The following ALDH3A2 variants were observed in gnomAD, a reference collection of about 807,000 sequenced individuals.
ALDH3A2 encodes aldehyde dehydrogenase family 3 member A2.
In ALDH3A2, 36 loss-of-function variants were observed where a neutral mutation model predicts 51.3. That is an observed-to-expected ratio of 0.70 (90% CI 0.54 to 0.93). ALDH3A2 has a LOEUF of 0.93. ALDH3A2 is among the 40% of genes least tolerant of loss of function. ALDH3A2 has a pLI of 0.00. For missense variants in ALDH3A2, 552 were observed against 603.1 expected (o/e 0.92, Z 0.89); for synonymous variants, 199 against 219.8 (o/e 0.91, Z 0.84).
At position 19,677,379 on chromosome 17, in the gene ALDH3A2, ATACCT is replaced by A. The variant is rs1379880031; in HGVS notation, c.*1810_*1814del. 6 of 152,256 alleles carry A rather than the reference ATACCT, an allele frequency of 3.9e-5. No individual in the cohort carries two copies. Among genetic ancestry groups the A allele is most frequent in the Admixed American group, 3.9e-4 (6 of 15,292 alleles). 9.4% of individuals were successfully genotyped at this position (152,256 alleles called of 1,614,324 possible). ...GTGGCTCTAAGAGAGTAATCATAAA[ATACCT>A]TAGATAAAATTGCACTATGGAATTT... On this transcript the variant is annotated 3_prime_UTR_variant, in exon 10 of 10. Coordinates refer to ENST00000176643, the MANE Select transcript of ALDH3A2 (RefSeq NM_000382.3).
chr17:19,659,386 A>G (rs967948791), intron 5 of ALDH3A2, among the ~76,000 whole-genome samples: 18 of 152,074 alleles, frequency 1.2e-4, no homozygotes, highest in African/African-American at 4.3e-4. Flanking sequence ...AAAGAAAAAA[A>G]GGTTAGCTGG....
Position 19,656,573 on chromosome 17 carries a change from A to G in ALDH3A2, c.679A>G (p.Arg227Gly). ...DKDCDLDIVCRRITWGKYMNC... is the reference protein window; with the variant it reads ...DKDCDLDIVCGRITWGKYMNC... ...AGATTGTGACCTGGACATTGTTTGC[A>G]GGTGAGTCTGGCTCTCTGATTTTCT... Residue 227 changes from arginine to glycine, a missense_variant and splice_region_variant, in exon 4 of 10, where the codon AGA becomes GGA. Physicochemically the swap from Arg to Gly is moderately radical, Grantham distance 125. Transcript: ENST00000176643. The G allele has an allele frequency of 1.2e-6, 2 of 1,609,722 alleles. No homozygotes were observed. The highest frequency in any genetic ancestry group is 8.5e-7 in the Non-Finnish European group (1 of 1,177,606).
rs1415854673 is a variant in ALDH3A2 at position 19,652,568 on chromosome 17, C to T, written c.407C>T (p.Pro136Leu). 1 of 1,613,772 alleles carries T rather than the reference C, an allele frequency of 6.2e-7. No homozygotes were observed. The change falls in exon 3 of 10, where the codon CCT (proline) becomes CTT (leucine). Residue 136 changes from proline (P) to leucine (L), a missense_variant. By Grantham distance (98) the Pro-to-Leu change is moderately conservative. Transcript: ENST00000176643. ...TTAGGAAATGCTGTGATTATAAAGC[C>T]TTCTGAACTGAGTGAAAATACAGCC... Reference protein sequence around the residue: ...IAAGNAVIIKPSELSENTAKI... With the variant: ...IAAGNAVIIKLSELSENTAKI...
chr17:19,663,013 A>G (rs1032886227), intron 6 of ALDH3A2, among the ~76,000 whole-genome samples: 3 of 152,242 alleles, frequency 2.0e-5, no homozygotes, highest in African/African-American at 7.2e-5. Context: ...CTCAAAAAAA[A>G]AACCTGTCCA....
At chr17:19,651,393 C>T (rs1264694596) in intron 1 of ALDH3A2, among the ~76,000 whole-genome samples, 154 bp from the exon 2 acceptor site, 3 of 152,044 alleles carry the variant, frequency 2.0e-5, no homozygotes, top group East Asian at 3.9e-4. Flanking sequence ...TTACCAGGGG[C>T]GTGAAGGGTG....
chr17:19,657,285 C>G (rs1224708097), intron 4 of ALDH3A2, among the ~76,000 whole-genome samples: 1 of 152,246 alleles, frequency 6.6e-6, no homozygotes, highest in Admixed American at 6.5e-5. Flanking sequence ...TGGGGCAGGG[C>G]TCCACAAAGA....
intron 6 of ALDH3A2, 64 bp from the exon 7 acceptor site, chr17:19,663,269 T>A: frequency 6.4e-7 from 1 of 1,560,874 alleles, no homozygotes; most frequent in Non-Finnish European, 8.8e-7. Context: ...ATGAAAGAGA[T>A]GTAATATGAG....
intron 1 of ALDH3A2, among the ~76,000 whole-genome samples, chr17:19,650,479 A>T (rs1205622173): frequency 6.6e-6 from 1 of 151,494 alleles, no homozygotes; most frequent in Non-Finnish European, 1.5e-5. Flanking sequence ...CTTGAGGCGG[A>T]GTCTCGCTCT....
In ALDH3A2 at chr17:19,671,858, G is replaced by T; in HGVS notation, c.1345G>T (p.Asp449Tyr). The T allele has an allele frequency of 6.2e-7, 1 of 1,614,176 alleles. No individual in the cohort carries two copies. The change falls in exon 9 of 10, where the codon GAT becomes TAT. Residue 449 changes from aspartate to tyrosine, a missense_variant. Asp to Tyr is a radical substitution (Grantham distance 160). Transcript: ENST00000176643. ...RYPPNSQSKV[D>Y]WGKFFLLKRF... ...TCCTCCCAACAGCCAGTCAAAGGTG[G>T]ATTGGGGAAAATTTTTTCTCTTGAA...
chr17:19,664,807 C>G (rs2085013012), intron 7 of ALDH3A2, 141 bp from the exon 8 acceptor site: 1 of 688,986 alleles, frequency 1.5e-6, no homozygotes, highest in African/African-American at 1.8e-5. Flanking sequence ...TGTCCCCAAA[C>G]TCGAGAATTT....
chr17:19,676,061 C>G lies in ALDH3A2; in HGVS notation c.*489C>G, dbSNP rs1408424779. 2 of 168,658 alleles carry G rather than the reference C, an allele frequency of 1.2e-5. No individual in the cohort carries two copies. The highest frequency in any genetic ancestry group is 2.4e-5 in the African/African-American group (1 of 41,658). The allele number at this position is 168,658 out of a possible 1,614,324, so 10.4% of individuals were successfully genotyped here. On this transcript the variant is annotated 3_prime_UTR_variant, in exon 10 of 10. Transcript: ENST00000176643. The stretch of plus-strand genomic sequence containing the variant: ...CCCTGTGAGGTTTCAGGCACTAAAA[C>G]TCTATGTGGGGAAGGGAGGGGTTAC...
At chr17:19,659,346 T>TG (rs1225809850) in intron 5 of ALDH3A2, among the ~76,000 whole-genome samples, 1 of 152,038 alleles carries the variant, frequency 6.6e-6, no homozygotes, top group Non-Finnish European at 1.5e-5. Context: ...AAAACCAGCC[T>TG]GGTCAACATA....
chr17:19,648,910 A>C lies in ALDH3A2; in HGVS notation c.-62A>C. On this transcript the variant is annotated 5_prime_UTR_variant, in exon 1 of 10. An upstream start codon of the reference 5' UTR is lost. Coordinates refer to ENST00000176643, the MANE Select transcript of ALDH3A2 (RefSeq NM_000382.3). ...GAAGGGAGGCGAGGCCTGCACCTGC[A>C]TGCTTCCCGCCTCCCACTCCCCAGC... The C allele has an allele frequency of 6.5e-7, 1 of 1,533,628 alleles. No individual in the cohort carries two copies. Among genetic ancestry groups the C allele is most frequent in the Non-Finnish European group, 8.8e-7 (1 of 1,138,616 alleles).
At position 19,663,475 on chromosome 17, in the gene ALDH3A2, TTATG is replaced by T. The variant is rs1339996692; in HGVS notation, c.1087_1090del (p.Val363PhefsTer11). 3.1e-6 allele frequency: 5 copies of T among 1,614,026 alleles called. No individual in the cohort carries two copies. The highest frequency in any genetic ancestry group is 3.4e-6 in the Non-Finnish European group (4 of 1,180,024). ...ATGAACGTGAAAAGCCTCTGGCTCT[TTATG>T]TATTTTCGCATAACCATAAGGTAAG... On this transcript the variant is annotated frameshift_variant, in exon 7 of 10. Coordinates refer to ENST00000176643, the MANE Select transcript of ALDH3A2 (RefSeq NM_000382.3). LOFTEE classifies it high-confidence loss of function.
chr17:19,672,017 G>A (rs531955974), intron 9 of ALDH3A2, 61 bp downstream of exon 9: 70 of 1,384,740 alleles, frequency 5.1e-5, no homozygotes, highest in Admixed American at 8.4e-5. Context: ...GCTGCCAGAT[G>A]CATATTCTAG....
At chr17:19,653,819 T>A (rs893653561) in intron 3 of ALDH3A2, among the ~76,000 whole-genome samples, 13 of 152,216 alleles carry the variant, frequency 8.5e-5, no homozygotes, top group Non-Finnish European at 1.8e-4. Context: ...TATTCCCTTA[T>A]CTGGCCCCAC....
In ALDH3A2 at chr17:19,661,274, G is replaced by A; in HGVS notation, c.940+6G>A. The A allele has an allele frequency of 6.2e-7, 1 of 1,614,054 alleles. No individual in the cohort carries two copies. The highest frequency in any genetic ancestry group is 1.7e-5 in the Admixed American group (1 of 60,024). The stretch of plus-strand genomic sequence containing the variant: ...TGAGGCCACACGCTACATAGGTAAT[G>A]GAAATTCTCCTTTTCCTATGGGAAG... On this transcript the variant is annotated splice_donor_region_variant and intron_variant, in intron 6 of 9. Transcript: ENST00000176643.
chr17:19,658,347 A>G (rs895010633), intron 5 of ALDH3A2, among the ~76,000 whole-genome samples: 1 of 152,194 alleles, frequency 6.6e-6, no homozygotes, highest in African/African-American at 2.4e-5. Context: ...TGTTTAAAGT[A>G]AATATTTGCA....
In ALDH3A2 at chr17:19,654,175, G is replaced by C. The variant is rs2084860615; in HGVS notation, c.471+1543G>C. Among the ~76,000 whole-genome samples the C allele has an allele frequency of 6.6e-6, 1 of 152,246 alleles. No individual in the cohort carries two copies. The highest frequency in any genetic ancestry group is 1.5e-5 in the Non-Finnish European group (1 of 68,044). The stretch of plus-strand genomic sequence containing the variant: ...CAAGCTAGACACAGAGTGCTGATTG[G>C]TGCATATACAATCCTCCGGCTAGAC... On this transcript the variant is annotated intron_variant, in intron 3 of 9. Transcript: ENST00000176643. This position sits in a 1 kb window ranked among gnomAD's most constrained non-coding sequence, Gnocchi z 4.5.
Sources: gnomAD v4.1 joint callset for allele counts (sites outside exome capture counted in the v4.1 genomes callset) on GRCh38, gnomAD v4.1.1 for gene constraint, Gnocchi (gnomAD v3.1) non-coding constraint, MANE v1.5 for transcripts, NCBI Gene and HGNC (gene_info 2026-07-23, HGNC 2026-07-21) for gene names.